Variants in TMEM132D observed in about 807,000 individuals in gnomAD.
TMEM132D encodes transmembrane protein 132D.
In TMEM132D, 21 loss-of-function variants were observed where a neutral mutation model predicts 62.3. That is an observed-to-expected ratio of 0.34 (90% CI 0.24 to 0.49). The LOEUF is 0.49. TMEM132D is among the 20% of genes least tolerant of loss of function. TMEM132D has a pLI of 0.99. For missense variants in TMEM132D, 1,346 were observed against 1,402.8 expected (o/e 0.96, Z 0.65); for synonymous variants, 621 against 575.6 (o/e 1.08, Z -1.13).
intron 1 of TMEM132D, among the ~76,000 whole-genome samples, chr12:129,877,528 T>C (rs987008421): frequency 1.3e-5 from 2 of 152,120 alleles, no homozygotes; most frequent in Non-Finnish European, 2.9e-5. Flanking sequence ...ACAGTCAGCC[T>C]GCAAACAGAC....
rs35535325 is a variant in TMEM132D at position 129,490,596 on chromosome 12, A to ATTTTTTTTTTTT, written c.1115+40451_1115+40462dup. Among the ~76,000 whole-genome samples, 55 of 71,114 alleles carry ATTTTTTTTTTTT rather than the reference A, an allele frequency of 7.7e-4. 2 individuals carry two copies. Among genetic ancestry groups the ATTTTTTTTTTTT allele is most frequent in the African/African-American group, 3.8e-3 (47 of 12,332 alleles). 46.7% of individuals were successfully genotyped at this position (71,114 alleles called of 152,430 possible). ...GGCGCCCGCCCACCACGCCCGGCTA[A>ATTTTTTTTTTTT]TTTTTTTTTTTTTTTTTTTTTTTTT... On this transcript the variant is annotated intron_variant, in intron 3 of 8. Coordinates refer to ENST00000422113, the MANE Select transcript of TMEM132D (RefSeq NM_133448.3).
chr12:129,321,918 C>T (rs578156909), intron 4 of TMEM132D, among the ~76,000 whole-genome samples: 21 of 152,300 alleles, frequency 1.4e-4, no homozygotes, highest in African/African-American at 4.6e-4. Flanking sequence ...TGCTCTTTGT[C>T]GGACACACAG....
chr12:129,653,246 A>G (rs1023866407), intron 2 of TMEM132D, among the ~76,000 whole-genome samples: 1 of 152,150 alleles, frequency 6.6e-6, no homozygotes, highest in Admixed American at 6.5e-5. Flanking sequence ...GAACGGCTCA[A>G]ATGAAGTCTG....
chr12:129,556,233 C>T (rs145329981), intron 2 of TMEM132D, among the ~76,000 whole-genome samples: 3 of 152,254 alleles, frequency 2.0e-5, no homozygotes, highest in East Asian at 1.9e-4. Flanking sequence ...AACATTCCAC[C>T]GCTGCTCGTC....
At chr12:129,309,347 T>A (rs1881917931) in intron 4 of TMEM132D, among the ~76,000 whole-genome samples, 1 of 152,208 alleles carries the variant, frequency 6.6e-6, no homozygotes, top group African/African-American at 2.4e-5. Flanking sequence ...TCTATCTAAT[T>A]ACTAGTTCAA....
intron 4 of TMEM132D, among the ~76,000 whole-genome samples, chr12:129,251,985 C>A (rs1407465413): frequency 6.6e-6 from 1 of 152,126 alleles, no homozygotes; most frequent in Non-Finnish European, 1.5e-5. Flanking sequence ...CCACCCTATA[C>A]TTTTATGAAA....
chr12:129,222,354 A>G (rs1184912909), intron 4 of TMEM132D, among the ~76,000 whole-genome samples: 3 of 152,188 alleles, frequency 2.0e-5, no homozygotes, highest in Admixed American at 6.5e-5. Context: ...AAGCATTTAC[A>G]ATGAAATGCC....
chr12:129,111,475 T>C (rs914824905), intron 5 of TMEM132D: 1 of 152,280 alleles, frequency 6.6e-6, no homozygotes, highest in Non-Finnish European at 1.5e-5. Context: ...GGCCAGAGAA[T>C]GTGCATTCTG....
intron 1 of TMEM132D, among the ~76,000 whole-genome samples, chr12:129,804,887 T>C (rs938595205): frequency 7.7e-5 from 7 of 91,014 alleles, no homozygotes; most frequent in African/African-American, 2.7e-4. Flanking sequence ...AGCATTCTTA[T>C]ACACCAACAA....
intron 4 of TMEM132D, among the ~76,000 whole-genome samples, chr12:129,247,163 G>C (rs1394833259): frequency 6.6e-6 from 1 of 152,132 alleles, no homozygotes; most frequent in South Asian, 2.1e-4. Flanking sequence ...CAATGTACAG[G>C]TTTTCTTTGG....
chr12:129,539,007 C>T (rs111619894), intron 2 of TMEM132D, among the ~76,000 whole-genome samples: 5,127 of 110,856 alleles, frequency 0.046, 233 homozygotes, highest in Middle Eastern at 0.08. Flanking sequence ...TCAGAAGGAG[C>T]GTCCTCTGCT....
At chr12:129,534,442 T>G (rs1876321516) in intron 2 of TMEM132D, among the ~76,000 whole-genome samples, 1 of 151,070 alleles carries the variant, frequency 6.6e-6, no homozygotes, top group Non-Finnish European at 1.5e-5. Context: ...TAAAAATATA[T>G]AAATGCAATT....
intron 2 of TMEM132D, among the ~76,000 whole-genome samples, chr12:129,649,266 T>G (rs1193786330): frequency 1.3e-5 from 2 of 152,182 alleles, no homozygotes; most frequent in Admixed American, 1.3e-4. Context: ...TCATCAGGAA[T>G]TGAATTCCAT....
chr12:129,356,042 G>A (rs1167916631), intron 3 of TMEM132D, among the ~76,000 whole-genome samples: 1 of 151,854 alleles, frequency 6.6e-6, no homozygotes, highest in Non-Finnish European at 1.5e-5. Flanking sequence ...CATTCCCGTC[G>A]TACTTTCCCT....
chr12:129,716,269 G>A (rs960579638), intron 1 of TMEM132D, among the ~76,000 whole-genome samples: 1 of 152,166 alleles, frequency 6.6e-6, no homozygotes, highest in Non-Finnish European at 1.5e-5. Flanking sequence ...TCTCCTGTAT[G>A]CAAGGGAGTC....
intron 3 of TMEM132D, among the ~76,000 whole-genome samples, chr12:129,375,696 C>G (rs1870762736): frequency 1.3e-5 from 2 of 152,072 alleles, no homozygotes; most frequent in South Asian, 4.1e-4. Context: ...TCAGAACATA[C>G]AGCAAATATA....
chr12:129,356,306 G>A lies in TMEM132D; in HGVS notation c.1116-18489C>T, dbSNP rs914945042. Among the ~76,000 whole-genome samples, 4 of 70,634 alleles carry A rather than the reference G, an allele frequency of 5.7e-5. 1 individual carries two copies. The highest frequency in any genetic ancestry group is 4.2e-4 in the Admixed American group (3 of 7,108). 46.3% of individuals were successfully genotyped at this position (70,634 alleles called of 152,430 possible). On this transcript the variant is annotated intron_variant, in intron 3 of 8. Transcript: ENST00000422113. ...CAAGTAGCTGGGACTACAGGCGCCCGCCACTACGCCCGGCTAATTTTTTTG... is the reference window on the plus strand; with the variant it reads ...CAAGTAGCTGGGACTACAGGCGCCCACCACTACGCCCGGCTAATTTTTTTG...
chr12:129,426,894 A>T (rs892569790), intron 3 of TMEM132D, among the ~76,000 whole-genome samples: 1 of 152,296 alleles, frequency 6.6e-6, no homozygotes, highest in South Asian at 2.1e-4. Context: ...TGTGTTACTC[A>T]TTCTCACCCG....
intron 4 of TMEM132D, among the ~76,000 whole-genome samples, chr12:129,259,219 A>C (rs1378840267): frequency 3.9e-5 from 6 of 152,150 alleles, no homozygotes; most frequent in Admixed American, 6.5e-5. Flanking sequence ...GCCAACACTC[A>C]CTGCAGGAGG....
Sources: allele counts gnomAD v4.1 joint callset (sites outside exome capture counted in the v4.1 genomes callset), GRCh38; gene constraint gnomAD v4.1.1; transcripts MANE v1.5; gene names NCBI Gene and HGNC (gene_info 2026-07-23, HGNC 2026-07-21).